MACROD2: variants seen among roughly 807,000 people sequenced by gnomAD.
The protein encoded by MACROD2 is mono-ADP ribosylhydrolase 2.
Under a neutral mutation model 70.4 loss-of-function variants are expected in MACROD2, and 36 were observed. The observed-to-expected ratio is 0.51, with a 90% confidence interval of 0.39 to 0.68. The LOEUF (loss-of-function observed/expected upper bound fraction) is 0.68. Among genes scored for constraint, MACROD2 ranks in the 30% least tolerant of loss-of-function variants. The probability of loss-of-function intolerance (pLI) is 0.00; values close to 1 mark genes in which losing one functional copy is unlikely to be tolerated. For missense variants in MACROD2, 496 were observed against 538.4 expected, an observed-to-expected ratio of 0.92 and a Z score of 0.78; for synonymous variants, 172 against 178.8, an observed-to-expected ratio of 0.96 and a Z score of 0.30.
intron 3 of MACROD2, among the ~76,000 whole-genome samples, chr20:14,189,536 T>TA (rs1229895337): frequency 2.0e-5 from 3 of 152,194 alleles, no homozygotes; most frequent in Non-Finnish European, 4.4e-5. Context: ...TTTTTAAGGT[T>TA]ATAGGGGTTT....
chr20:14,776,039 C>T (rs571566309), intron 5 of MACROD2, among the ~76,000 whole-genome samples: 1 of 152,078 alleles, frequency 6.6e-6, no homozygotes, highest in Admixed American at 6.5e-5. Flanking sequence ...TAGAACTGAA[C>T]CAAATGTGCG....
At chr20:14,554,947 G>A (rs543782953) in intron 4 of MACROD2, among the ~76,000 whole-genome samples, 1 of 151,816 alleles carries the variant, frequency 6.6e-6, no homozygotes, top group Non-Finnish European at 1.5e-5. Context: ...TAATATTTTG[G>A]GGAGACATAC....
chr20:15,809,737 G>T (rs1252339961), intron 8 of MACROD2, among the ~76,000 whole-genome samples: 2 of 152,036 alleles, frequency 1.3e-5, no homozygotes, highest in Non-Finnish European at 2.9e-5. Flanking sequence ...ATTTGGAAAG[G>T]TCAAGCATCA....
At chr20:14,358,420 C>T (rs937163497) in intron 3 of MACROD2, among the ~76,000 whole-genome samples, 9 of 151,868 alleles carry the variant, frequency 5.9e-5, no homozygotes, top group Non-Finnish European at 1.0e-4. Context: ...TCTTAACACC[C>T]CTAGGAGGTA....
intron 3 of MACROD2, among the ~76,000 whole-genome samples, chr20:14,338,970 A>G (rs951006590): frequency 1.3e-5 from 2 of 152,134 alleles, no homozygotes; most frequent in Non-Finnish European, 2.9e-5. Flanking sequence ...TTAAACTAAT[A>G]TCTTTATTTG....
chr20:14,794,097 G>T (rs2072483269), intron 5 of MACROD2, among the ~76,000 whole-genome samples: 2 of 152,024 alleles, frequency 1.3e-5, no homozygotes, highest in African/African-American at 4.8e-5. Flanking sequence ...GTCTGTTTTA[G>T]CAGGGTGACT....
chr20:14,485,918 G>A (rs2084724063), intron 3 of MACROD2, among the ~76,000 whole-genome samples: 1 of 152,000 alleles, frequency 6.6e-6, no homozygotes, highest in Non-Finnish European at 1.5e-5. Context: ...TTCTTCAAAT[G>A]GAAACAGAAG....
chr20:15,683,601 C>CAAAG (rs1212161197), intron 8 of MACROD2, among the ~76,000 whole-genome samples: 1 of 152,060 alleles, frequency 6.6e-6, no homozygotes, highest in African/African-American at 2.4e-5. Flanking sequence ...TTTTTTGAGA[C>CAAAG]AAAGTCTCAC....
rs377664545 is a variant in MACROD2, at chr20:14,929,963, C to T, written c.418+245004C>T. 3.9e-5 allele frequency among the ~76,000 whole-genome samples: 6 copies of T among 152,016 alleles called. No homozygotes were observed. In the East Asian group the frequency reaches 7.8e-4, roughly 20 times the overall value. On this transcript the variant is annotated intron_variant, in intron 5 of 17. Coordinates refer to ENST00000684519, the MANE Select transcript of MACROD2 (RefSeq NM_001351661.2). ...GATCATGAGGTCAGGAGATCGAGAC[C>T]ATCCTGGCTAACACGGTGAAACCCC... is the stretch of plus-strand genomic sequence containing the variant.
chr20:15,687,295 TATA>T (rs1248692183), intron 8 of MACROD2, among the ~76,000 whole-genome samples: 168 of 150,618 alleles, frequency 1.1e-3, no homozygotes, highest in African/African-American at 3.9e-3. Context: ...TGTATATATA[TATA>T]TTTTATATAT....
intron 5 of MACROD2, among the ~76,000 whole-genome samples, chr20:15,009,776 T>A (rs1239745817): frequency 1.3e-5 from 2 of 151,024 alleles, no homozygotes; most frequent in Admixed American, 6.6e-5. Flanking sequence ...CTCCCTATTT[T>A]TTTTTTTTTT....
At chr20:15,207,025 C>A (rs1386134701) in intron 5 of MACROD2, among the ~76,000 whole-genome samples, 2 of 152,016 alleles carry the variant, frequency 1.3e-5, no homozygotes, top group African/African-American at 4.8e-5. Flanking sequence ...CGTGAGCCAC[C>A]GCGCCCGGCC....
intron 5 of MACROD2, among the ~76,000 whole-genome samples, chr20:14,799,345 T>G (rs1194365257): frequency 2.0e-5 from 3 of 152,084 alleles, no homozygotes; most frequent in African/African-American, 7.2e-5. Context: ...ATAGTAATTT[T>G]GATTGTCATT....
rs189384189 is a variant in MACROD2 at position 15,911,931 on chromosome 20, C to T, written c.776-21345C>T. 3.9e-3 allele frequency among the ~76,000 whole-genome samples: 590 copies of T among 152,226 alleles called. 3 individuals carry two copies. The highest frequency in any genetic ancestry group is 0.014 in the African/African-American group (567 of 41,540). ...TGAGGCAGGAGAATCGCTTGAACCC[C>T]GGAGGCAGAGGTTGCAGTGAGCCGA... On this transcript the variant is annotated intron_variant, in intron 10 of 17. Transcript: ENST00000684519.
At chr20:14,285,033 A>G (rs2082332959) in intron 3 of MACROD2, among the ~76,000 whole-genome samples, 1 of 152,198 alleles carries the variant, frequency 6.6e-6, no homozygotes, top group South Asian at 2.1e-4. Context: ...TGTTATTTGG[A>G]ACTCTATAGT....
At chr20:15,457,809 T>G (rs992059893) in intron 7 of MACROD2, among the ~76,000 whole-genome samples, 1 of 152,092 alleles carries the variant, frequency 6.6e-6, no homozygotes, top group Non-Finnish European at 1.5e-5. Flanking sequence ...GATTCAATCT[T>G]TTAGAGTTGC....
chr20:14,271,013 C>G (rs1162956264), intron 3 of MACROD2, among the ~76,000 whole-genome samples: 1 of 152,222 alleles, frequency 6.6e-6, no homozygotes, highest in Admixed American at 6.5e-5. Context: ...TGGAGCCCAC[C>G]ACAGCTCAAG....
At chr20:15,921,362 A>G in intron 10 of MACROD2, among the ~76,000 whole-genome samples, 1 of 152,092 alleles carries the variant, frequency 6.6e-6, no homozygotes, top group East Asian at 1.9e-4. Flanking sequence ...AATATTTCCC[A>G]CTTAGATCCA....
intron 8 of MACROD2, among the ~76,000 whole-genome samples, chr20:15,750,914 TG>T (rs1314065930): frequency 2.7e-5 from 4 of 149,010 alleles, no homozygotes; most frequent in African/African-American, 7.3e-5. Context: ...TTTTAAGAGG[TG>T]TTTTTTTGTT....
Sources: allele counts gnomAD v4.1 joint callset (sites outside exome capture counted in the v4.1 genomes callset), GRCh38; gene constraint gnomAD v4.1.1; transcripts MANE v1.5; gene names NCBI Gene and HGNC (gene_info 2026-07-23, HGNC 2026-07-21).